Variants in PHACTR2 observed in about 807,000 individuals in gnomAD.
PHACTR2 encodes the protein phosphatase and actin regulator 2, also known as chromosome 6 open reading frame 56.
PHACTR2 carries 30 observed loss-of-function variants against 76.0 expected under a neutral mutation model. The ratio of observed to expected loss-of-function variants is 0.39; its 90% CI spans 0.30 to 0.54. The LOEUF (loss-of-function observed/expected upper bound fraction) is 0.54, where lower values mean the gene tolerates loss of function less well. PHACTR2 is among the 20% of genes least tolerant of loss of function. The pLI, the probability that PHACTR2 is intolerant of heterozygous loss-of-function variation, is 0.61. For missense variants in PHACTR2, 696 were observed against 781.1 expected (o/e 0.89, Z 1.30); for synonymous variants, 292 against 292.5 (o/e 1.00, Z 0.02).
intron 1 of PHACTR2, among the ~76,000 whole-genome samples, chr6:143,704,194 G>T (rs1054270350): frequency 3.3e-5 from 5 of 151,928 alleles, no homozygotes; most frequent in Non-Finnish European, 7.4e-5. Context: ...ACCTCCTGAT[G>T]CGTGCTGGAG....
Position 143,597,145 on chromosome 6 carries a change from A to G in PHACTR2, c.217+59938A>G, listed in dbSNP as rs529236436. Among the ~76,000 whole-genome samples the G allele has an allele frequency of 6.6e-6, 1 of 152,330 alleles. No individual in the cohort carries two copies. Among genetic ancestry groups the G allele is most frequent in the South Asian group, 2.1e-4 (1 of 4,826 alleles). On this transcript the variant is annotated intron_variant, in intron 1 of 11. Coordinates refer to the PHACTR2 transcript ENST00000367584. This position sits in a 1 kb window ranked among gnomAD's most constrained non-coding sequence, Gnocchi z 5.7. ...CACGCTCCACACTGTGGAAGAACAC[A>G]TTCTCTTGGGAAAACCCATTGTAGG...
intron 1 of PHACTR2, among the ~76,000 whole-genome samples, chr6:143,594,081 T>A (rs148802599): frequency 6.6e-5 from 10 of 152,314 alleles, no homozygotes; most frequent in African/African-American, 2.4e-4. Flanking sequence ...AGAACCAATA[T>A]GAAATAGTGA....
At chr6:143,694,373 G>A (rs956566942) in intron 1 of PHACTR2, among the ~76,000 whole-genome samples, 2 of 152,148 alleles carry the variant, frequency 1.3e-5, no homozygotes, top group East Asian at 1.9e-4. Context: ...CAAATTGATC[G>A]AGTAATGTTC....
At chr6:143,799,371 G>A (rs1030147833) in intron 11 of PHACTR2, among the ~76,000 whole-genome samples, 29 of 152,164 alleles carry the variant, frequency 1.9e-4, no homozygotes, top group East Asian at 1.9e-4. Flanking sequence ...AGGGTTTTTT[G>A]TGTCTCTATC....
In PHACTR2 at chr6:143,568,444, A is replaced by G. The variant is rs191707078; in HGVS notation, c.217+31237A>G. Among the ~76,000 whole-genome samples, 17 of 152,352 alleles carry G rather than the reference A, an allele frequency of 1.1e-4. No homozygotes were observed. The Middle Eastern group carries it at 0.01, about 91-fold the overall frequency. On this transcript the variant is annotated intron_variant, in intron 1 of 11. Coordinates refer to the PHACTR2 transcript ENST00000367584. ...TTAGTTCTCTCTGCTGATCAAGGCT[A>G]TGGTACTCAAACCTTGAATCTAGAG...
At chr6:143,635,316 A>ATGTG (rs71834478) in intron 1 of PHACTR2, among the ~76,000 whole-genome samples, 271 of 149,926 alleles carry the variant, frequency 1.8e-3, no homozygotes, top group East Asian at 4.3e-3. Context: ...AGCATTTAGG[A>ATGTG]TGTGTGTGTG....
At chr6:143,622,070 T>TCC in intron 1 of PHACTR2, among the ~76,000 whole-genome samples, 1 of 152,346 alleles carries the variant, frequency 6.6e-6, no homozygotes, top group East Asian at 1.9e-4. Flanking sequence ...AGTGTATGAT[T>TCC]CACTTGTGTG....
intron 6 of PHACTR2, among the ~76,000 whole-genome samples, chr6:143,768,998 T>C (rs1261628684): frequency 6.6e-6 from 1 of 152,232 alleles, no homozygotes; most frequent in Non-Finnish European, 1.5e-5. Context: ...TTAGAATATC[T>C]GGCTCTTAGT....
intron 1 of PHACTR2, among the ~76,000 whole-genome samples, chr6:143,704,317 A>G (rs944270941): frequency 1.3e-5 from 2 of 152,174 alleles, no homozygotes; most frequent in African/African-American, 4.8e-5. Flanking sequence ...TTACTTATAG[A>G]ATACTGGGAA....
rs1482416263 is a variant in PHACTR2, at chr6:143,592,449, C to T, written c.217+55242C>T. On this transcript the variant is annotated intron_variant, in intron 1 of 11. Transcript: ENST00000367584. The surrounding 1 kb of genome is among the most constrained non-coding windows in gnomAD (Gnocchi z 4.0). ...TAACTGAGATTTTTCCATCCAAAGC[C>T]TTGGATGGAAATCCTAATTCCAAGA... Among the ~76,000 whole-genome samples, 1 of 152,096 alleles carries T rather than the reference C, an allele frequency of 6.6e-6. No individual in the cohort carries two copies. The highest frequency in any genetic ancestry group is 1.5e-5 in the Non-Finnish European group (1 of 68,002).
In PHACTR2 at chr6:143,591,981, A is replaced by G. The variant is rs1775696921; in HGVS notation, c.217+54774A>G. On this transcript the variant is annotated intron_variant, in intron 1 of 11. Transcript: ENST00000367584. This position sits in a 1 kb window ranked among gnomAD's most constrained non-coding sequence, Gnocchi z 6.4. ...CCTAGACCCGAGGGTTAGCCTGGGC[A>G]TGGCTGTTTGTGGGTTGTGTTGACA... Among the ~76,000 whole-genome samples, 2 of 152,148 alleles carry G rather than the reference A, an allele frequency of 1.3e-5. No homozygotes were observed. The highest frequency in any genetic ancestry group is 4.1e-4 in the South Asian group (2 of 4,828).
chr6:143,567,263 C>A (rs1775376626), intron 1 of PHACTR2, among the ~76,000 whole-genome samples: 1 of 152,232 alleles, frequency 6.6e-6, no homozygotes, highest in East Asian at 1.9e-4. Context: ...AATTTAGATA[C>A]GCAGCAAAAT....
In PHACTR2 at chr6:143,772,293, C is replaced by T; in HGVS notation, c.1268C>T (p.Pro423Leu). Residue 423 changes from proline (P) to leucine (L), a missense_variant, in exon 7 of 13, where the codon CCT (proline) becomes CTT (leucine). By Grantham distance (98) the Pro-to-Leu change is moderately conservative (BLOSUM62 -3). Transcript: ENST00000440869. This position sits in a 1 kb window ranked among gnomAD's most constrained non-coding sequence, Gnocchi z 5.4. ...TTKEELGKTV[P>L]QLLTPGLMGE... ...AAAGAGGAGCTGGGGAAGACAGTGC[C>T]TCAGCTACTGACTCCTGGGCTGATG... is the stretch of plus-strand genomic sequence containing the variant. 6.2e-7 allele frequency: 1 copy of T among 1,613,920 alleles called. No individual in the cohort carries two copies. Among genetic ancestry groups the T allele is most frequent in the South Asian group, 1.1e-5 (1 of 91,074 alleles).
In PHACTR2 at chr6:143,550,070, A is replaced by G. The variant is rs551772261; in HGVS notation, c.217+12863A>G. Among the ~76,000 whole-genome samples, 1 of 152,174 alleles carries G rather than the reference A, an allele frequency of 6.6e-6. No homozygotes were observed. Among genetic ancestry groups the G allele is most frequent in the Non-Finnish European group, 1.5e-5 (1 of 67,968 alleles). On this transcript the variant is annotated intron_variant, in intron 1 of 11. Transcript: ENST00000367584. The surrounding 1 kb of genome is among the most constrained non-coding windows in gnomAD (Gnocchi z 4.8). ...AATGCATCAGTGGACTACTCAAATC[A>G]AACGTAATGGCCTGCTGACCAGAGC...
At chr6:143,635,630 C>T (rs537301802) in intron 1 of PHACTR2, among the ~76,000 whole-genome samples, 1 of 152,232 alleles carries the variant, frequency 6.6e-6, no homozygotes, top group Admixed American at 6.5e-5. Flanking sequence ...AAAATCATTT[C>T]TAATTATTGT....
At chr6:143,666,775 T>C (rs938320637) in intron 1 of PHACTR2, among the ~76,000 whole-genome samples, 1 of 152,264 alleles carries the variant, frequency 6.6e-6, no homozygotes, top group Admixed American at 6.5e-5. Flanking sequence ...TTCTGGATGT[T>C]AGCCCTTTGT....
In PHACTR2 at chr6:143,558,503, A is replaced by C. The variant is rs949726368; in HGVS notation, c.217+21296A>C. 3.3e-5 allele frequency among the ~76,000 whole-genome samples: 5 copies of C among 152,144 alleles called. No individual in the cohort carries two copies. The highest frequency in any genetic ancestry group is 4.8e-5 in the African/African-American group (2 of 41,436). ...AGGTTTTAAAAAAATTGAGTGTCAG[A>C]TCTGTTATGAGGATGAAATTAACTG... is the stretch of plus-strand genomic sequence containing the variant. On this transcript the variant is annotated intron_variant, in intron 1 of 11. Coordinates refer to the PHACTR2 transcript ENST00000367584. This position sits in a 1 kb window ranked among gnomAD's most constrained non-coding sequence, Gnocchi z 4.7.
intron 1 of PHACTR2, among the ~76,000 whole-genome samples, chr6:143,701,603 C>T (rs1213043894): frequency 1.3e-5 from 2 of 152,176 alleles, no homozygotes; most frequent in East Asian, 3.9e-4. Flanking sequence ...CTACCCTCCT[C>T]CCCATTTTTG....
In PHACTR2 at chr6:143,698,638, C is replaced by T. The variant is rs996589702; in HGVS notation, c.47-13378C>T. 3.9e-5 allele frequency among the ~76,000 whole-genome samples: 6 copies of T among 152,170 alleles called. No individual in the cohort carries two copies. The highest frequency in any genetic ancestry group is 9.7e-5 in the African/African-American group (4 of 41,442). ...AATGCCACAGTACCACCGTGTGAGC[C>T]TCTGGGGTCCCCCACATTTCCTACT... On this transcript the variant is annotated intron_variant, in intron 1 of 12. Coordinates refer to ENST00000440869, the MANE Select transcript of PHACTR2 (RefSeq NM_001100164.2). This position sits in a 1 kb window ranked among gnomAD's most constrained non-coding sequence, Gnocchi z 4.3.
Sources: allele counts gnomAD v4.1 joint callset (sites outside exome capture counted in the v4.1 genomes callset), GRCh38; gene constraint gnomAD v4.1.1; non-coding constraint Gnocchi (gnomAD v3.1); transcripts MANE v1.5; gene names NCBI Gene and HGNC (gene_info 2026-07-23, HGNC 2026-07-21).